The following CRB1 variants were observed in gnomAD, a reference collection of about 807,000 sequenced individuals.
CRB1 encodes protein crumbs homolog 1.
In CRB1, 83 loss-of-function variants were observed where a neutral mutation model predicts 120.0. The observed-to-expected ratio is 0.69, with a 90% CI of 0.58 to 0.83. The LOEUF (loss-of-function observed/expected upper bound fraction) is 0.83, where lower values mean the gene tolerates loss of function less well. Among genes scored for constraint, CRB1 ranks in the 40% least tolerant of loss-of-function variants. CRB1 has a pLI of 0.00. For synonymous variants in CRB1, 625 were observed against 612.5 expected (o/e 1.02, Z -0.30); for missense variants, 1,699 against 1,687.6 (o/e 1.01, Z -0.12).
intron 5 of CRB1, among the ~76,000 whole-genome samples, chr1:197,359,805 G>A (rs760964771): frequency 9.9e-5 from 15 of 152,270 alleles, no homozygotes; most frequent in South Asian, 6.2e-4. Context: ...TAGGTATGCA[G>A]TGATATATCA....
At chr1:197,243,446 A>G in the CRB1 span, among the ~76,000 whole-genome samples, 2 of 152,150 alleles carry the variant, frequency 1.3e-5, no homozygotes, top group African/African-American at 2.4e-5. Context: ...CCCAGTAGTC[A>G]TTCAGGAGGA....
intron 11 of CRB1, among the ~76,000 whole-genome samples, chr1:197,462,880 A>C (rs983863424): frequency 1.1e-5 from 1 of 90,032 alleles, no homozygotes; most frequent in Non-Finnish European, 2.2e-5. Flanking sequence ...CCTATAGCCA[A>C]TGCAGATCTT....
intron 6 of CRB1, among the ~76,000 whole-genome samples, chr1:197,424,081 T>C (rs779005321): frequency 2.0e-5 from 3 of 152,220 alleles, no homozygotes; most frequent in Non-Finnish European, 4.4e-5. Context: ...TTCAGCCATA[T>C]ACCTAGATTT....
intron 11 of CRB1, chr1:197,444,681 C>T (rs984487606): frequency 1.3e-5 from 2 of 152,136 alleles, no homozygotes; most frequent in Non-Finnish European, 1.5e-5. Flanking sequence ...TTTCTGTTTT[C>T]CAAATGTCTT....
At chr1:197,314,580 G>A (rs931435097) in intron 1 of CRB1, among the ~76,000 whole-genome samples, 4 of 152,184 alleles carry the variant, frequency 2.6e-5, no homozygotes, top group African/African-American at 9.7e-5. Context: ...AGGGGTTCCT[G>A]ATTATGTTAA....
At chr1:197,307,190 A>G (rs1657223928) in intron 1 of CRB1, among the ~76,000 whole-genome samples, 1 of 152,178 alleles carries the variant, frequency 6.6e-6, no homozygotes, top group Non-Finnish European at 1.5e-5. Context: ...CATAGAACTG[A>G]TAGTAAAACT....
At chr1:197,464,354 A>G (rs1666661400) in intron 11 of CRB1, among the ~76,000 whole-genome samples, 1 of 152,050 alleles carries the variant, frequency 6.6e-6, no homozygotes, top group African/African-American at 2.4e-5. Flanking sequence ...ATTGGGGAGG[A>G]TTTTTCAGGC....
intron 4 of CRB1, 131 bp downstream of exon 4, chr1:197,347,610 A>G: frequency 9.9e-7 from 1 of 1,008,992 alleles, no homozygotes; most frequent in Middle Eastern, 2.7e-4. Flanking sequence ...AATATTGTTT[A>G]GTTTTATTCT....
intron 1 of CRB1, among the ~76,000 whole-genome samples, chr1:197,276,745 G>T (rs1409781341): frequency 6.6e-6 from 1 of 151,910 alleles, no homozygotes; most frequent in Non-Finnish European, 1.5e-5. Flanking sequence ...AACTGAAGTG[G>T]ATTGAGTAAA....
chr1:197,277,195 T>C (rs930930036), intron 1 of CRB1, among the ~76,000 whole-genome samples: 1 of 151,970 alleles, frequency 6.6e-6, no homozygotes, highest in African/African-American at 2.4e-5. Flanking sequence ...TCAACCACTA[T>C]CCCATTCTTG....
chr1:197,474,802 G>C (rs996823838), intron 11 of CRB1, among the ~76,000 whole-genome samples: 1 of 152,172 alleles, frequency 6.6e-6, no homozygotes, highest in Non-Finnish European at 1.5e-5. Flanking sequence ...TGATTTACCA[G>C]ACAGATTAAG....
intron 5 of CRB1, among the ~76,000 whole-genome samples, chr1:197,404,064 GATAA>G (rs1663205229): frequency 6.6e-6 from 1 of 152,172 alleles, no homozygotes. Context: ...TCACTTGTAA[GATAA>G]ATAAAATATA....
intron 5 of CRB1, among the ~76,000 whole-genome samples, chr1:197,412,930 A>AT (rs983440230): frequency 1.3e-5 from 2 of 151,956 alleles, no homozygotes; most frequent in Non-Finnish European, 2.9e-5. Flanking sequence ...CCTGGCGATT[A>AT]TTTTTTTTAA....
At chr1:197,220,043 T>A in the CRB1 span, among the ~76,000 whole-genome samples, 1 of 152,046 alleles carries the variant, frequency 6.6e-6, no homozygotes, top group South Asian at 2.1e-4. Context: ...ATAGCTATAA[T>A]TTTTTTTGTG....
rs747379480 is a variant in CRB1, at chr1:197,268,480, AAAGT to A, written c.70+2_70+5del. On this transcript the variant is annotated splice_donor_variant and coding_sequence_variant, in exon 1 of 12. Coordinates refer to ENST00000367400, the MANE Select transcript of CRB1 (RefSeq NM_201253.3). LOFTEE classifies it high-confidence loss of function. ...AGTTTCTCACTGCTTATCTACATAA[AAAGT>A]AAGCCTTTCCCACTTTGGGCATTTT... 3 of 1,608,848 alleles carry A rather than the reference AAAGT, an allele frequency of 1.9e-6. No individual in the cohort carries two copies. Among genetic ancestry groups the A allele is most frequent in the Non-Finnish European group, 1.7e-6 (2 of 1,175,228 alleles).
the CRB1 span, among the ~76,000 whole-genome samples, chr1:197,231,905 C>T: frequency 9.9e-5 from 15 of 152,254 alleles, no homozygotes; most frequent in South Asian, 3.1e-3. Context: ...TGTCTATGTC[C>T]TAATTCTCGG....
intron 1 of CRB1, among the ~76,000 whole-genome samples, chr1:197,323,012 T>C (rs1658293462): frequency 6.6e-6 from 1 of 152,146 alleles, no homozygotes; most frequent in Non-Finnish European, 1.5e-5. Flanking sequence ...AATTTTTCTA[T>C]AGGGGTTAAA....
chr1:197,206,637 T>C, the CRB1 span, among the ~76,000 whole-genome samples: 35 of 152,294 alleles, frequency 2.3e-4, 1 homozygote, highest in Middle Eastern at 6.8e-3. Flanking sequence ...TTCTTAAATT[T>C]ATTGAGACTC....
intron 5 of CRB1, among the ~76,000 whole-genome samples, chr1:197,420,262 TA>T (rs1664231987): frequency 6.6e-6 from 1 of 152,186 alleles, no homozygotes; most frequent in Non-Finnish European, 1.5e-5. Flanking sequence ...CCACGCTTAT[TA>T]AAAGGTGTTA....
Sources: allele counts gnomAD v4.1 joint callset (sites outside exome capture counted in the v4.1 genomes callset), GRCh38; gene constraint gnomAD v4.1.1; transcripts MANE v1.5; gene names NCBI Gene and HGNC (gene_info 2026-07-23, HGNC 2026-07-21).